The following IGF2BP2 variants were observed in gnomAD, a reference collection of about 807,000 sequenced individuals.
The protein encoded by IGF2BP2 is insulin like growth factor 2 mRNA binding protein 2.
In IGF2BP2, 17 loss-of-function variants were observed where a neutral mutation model predicts 75.8. The ratio of observed to expected loss-of-function variants is 0.22; its 90% CI spans 0.15 to 0.34. IGF2BP2 has a LOEUF of 0.34. IGF2BP2 is among the 10% of genes least tolerant of loss of function. The pLI is 1.00. For missense variants in IGF2BP2, 516 were observed against 772.4 expected (o/e 0.67, Z 3.93); for synonymous variants, 288 against 295.6 (o/e 0.97, Z 0.26).
At chr3:185,688,383 C>T (rs1010446969) in intron 6 of IGF2BP2, among the ~76,000 whole-genome samples, 8 of 152,302 alleles carry the variant, frequency 5.3e-5, no homozygotes, top group Middle Eastern at 3.4e-3. Context: ...CACTCTGTTG[C>T]CCAGGCTGGA....
At chr3:185,797,509 G>A (rs1737584964) in intron 2 of IGF2BP2, among the ~76,000 whole-genome samples, 1 of 152,222 alleles carries the variant, frequency 6.6e-6, no homozygotes, top group Admixed American at 6.5e-5. Flanking sequence ...TCAGTTAAGA[G>A]CAGAGTTTGC....
At chr3:185,821,229 GC>G in intron 2 of IGF2BP2, 1 of 966,732 alleles carries the variant, frequency 1.0e-6, no homozygotes, top group Non-Finnish European at 1.4e-6. Context: ...CTCTAGAGCA[GC>G]AGCTTATGCA....
intron 2 of IGF2BP2, among the ~76,000 whole-genome samples, chr3:185,814,710 T>C (rs2150032064): frequency 6.6e-6 from 1 of 152,326 alleles, no homozygotes; most frequent in South Asian, 2.1e-4. Context: ...AAACCTCTTA[T>C]ATATCTCATT....
chr3:185,756,347 C>T (rs996725646), intron 2 of IGF2BP2, among the ~76,000 whole-genome samples: 5 of 152,166 alleles, frequency 3.3e-5, no homozygotes, highest in Admixed American at 1.3e-4. Flanking sequence ...CCAATTAAAC[C>T]TCATTTCCTT....
Position 185,672,570 on chromosome 3 carries a change from G to T in IGF2BP2, c.1171C>A (p.Pro391Thr), listed in dbSNP as rs748920710. The T allele has an allele frequency of 6.2e-7, 1 of 1,612,540 alleles. No homozygotes were observed. ...LSPPAGPRGA[P>T]PAAPYHPFTT... ...AAGGGGTGGTAGGGGGCAGCGGGGG[G>T]AGCTCCGCGGGGCCCTGCTGGTGGA... Residue 391 changes from proline to threonine, a missense_variant, in exon 10 of 16, where the codon CCC (proline) becomes ACC (threonine). By Grantham distance (38) the Pro-to-Thr change is conservative (BLOSUM62 -1). Coordinates refer to ENST00000382199, the MANE Select transcript of IGF2BP2 (RefSeq NM_006548.6).
chr3:185,788,710 CTTTTTTTTTTTT>C (rs1158869748), intron 2 of IGF2BP2, among the ~76,000 whole-genome samples: 2 of 100,222 alleles, frequency 2.0e-5, no homozygotes, highest in Non-Finnish European at 1.9e-5. Flanking sequence ...TGACAAACGA[CTTTTTTTTTTTT>C]TTTTTTTTTT....
At chr3:185,756,590 A>G (rs572057917) in intron 2 of IGF2BP2, among the ~76,000 whole-genome samples, 3 of 152,226 alleles carry the variant, frequency 2.0e-5, no homozygotes, top group South Asian at 4.1e-4. Context: ...ACACCTAAAC[A>G]TATCTATAAG....
chr3:185,821,637 ATT>A (rs58917979), intron 2 of IGF2BP2, among the ~76,000 whole-genome samples: 1 of 149,198 alleles, frequency 6.7e-6, no homozygotes, highest in Non-Finnish European at 1.5e-5. Context: ...AATTCTAGTA[ATT>A]TTTTTTTTTA....
intron 10 of IGF2BP2, among the ~76,000 whole-genome samples, chr3:185,671,080 G>C (rs1222379809): frequency 6.6e-6 from 1 of 152,160 alleles, no homozygotes; most frequent in Non-Finnish European, 1.5e-5. Flanking sequence ...AAAATACAGA[G>C]ATGTGAAACT....
At chr3:185,659,413 G>A (rs567534842) in intron 10 of IGF2BP2, among the ~76,000 whole-genome samples, 4 of 152,140 alleles carry the variant, frequency 2.6e-5, no homozygotes, top group Non-Finnish European at 4.4e-5. Context: ...TCACTCTTTC[G>A]CCCAGGCTGG....
chr3:185,737,430 C>G (rs1296266541), intron 2 of IGF2BP2, among the ~76,000 whole-genome samples: 1 of 152,134 alleles, frequency 6.6e-6, no homozygotes, highest in African/African-American at 2.4e-5. Context: ...CCTCAGTTTT[C>G]CCTTTTATAA....
chr3:185,792,800 A>T (rs1736834184), intron 2 of IGF2BP2, among the ~76,000 whole-genome samples: 1 of 151,946 alleles, frequency 6.6e-6, no homozygotes, highest in Non-Finnish European at 1.5e-5. Context: ...TGCAATCAAA[A>T]TAAGAATATT....
intron 10 of IGF2BP2, among the ~76,000 whole-genome samples, chr3:185,665,126 CT>C (rs1464401089): frequency 2.1e-5 from 3 of 144,456 alleles, no homozygotes; most frequent in Admixed American, 7.0e-5. Flanking sequence ...GATCACACCA[CT>C]GCACTCCAGC....
intron 2 of IGF2BP2, among the ~76,000 whole-genome samples, chr3:185,782,512 C>T (rs2149807692): frequency 6.6e-6 from 1 of 152,236 alleles, no homozygotes; most frequent in Middle Eastern, 3.4e-3. Flanking sequence ...GTTCAAGAAA[C>T]TCACATTCGT....
At chr3:185,689,825 G>A (rs569363519) in intron 5 of IGF2BP2, among the ~76,000 whole-genome samples, 198 bp from the exon 6 acceptor site, 6 of 151,682 alleles carry the variant, frequency 4.0e-5, no homozygotes, top group African/African-American at 7.3e-5. Context: ...AAAATTAGCC[G>A]GGCGTAGTGG....
chr3:185,657,035 T>C (rs1026307440), intron 12 of IGF2BP2, among the ~76,000 whole-genome samples: 6 of 152,126 alleles, frequency 3.9e-5, no homozygotes, highest in Non-Finnish European at 4.4e-5. Context: ...AGGACAACAA[T>C]GATAAAACAA....
At chr3:185,820,497 G>A (rs1414646226) in intron 2 of IGF2BP2, among the ~76,000 whole-genome samples, 1 of 151,908 alleles carries the variant, frequency 6.6e-6, no homozygotes, top group Non-Finnish European at 1.5e-5. Flanking sequence ...CTTTATGTGC[G>A]GTTGACATTA....
chr3:185,796,295 G>A (rs1460200390), intron 2 of IGF2BP2, among the ~76,000 whole-genome samples: 1 of 152,078 alleles, frequency 6.6e-6, no homozygotes, highest in Non-Finnish European at 1.5e-5. Flanking sequence ...GGGCATGGTG[G>A]CTCACGCCTG....
At chr3:185,704,147 T>C (rs1489140009) in intron 2 of IGF2BP2, among the ~76,000 whole-genome samples, 1 of 152,150 alleles carries the variant, frequency 6.6e-6, no homozygotes, top group Non-Finnish European at 1.5e-5. Context: ...CTCCATCAGA[T>C]GATAAAAGGG....
Sources: gnomAD v4.1 joint callset for allele counts (sites outside exome capture counted in the v4.1 genomes callset) on GRCh38, gnomAD v4.1.1 for gene constraint, MANE v1.5 for transcripts, NCBI Gene and HGNC (gene_info 2026-07-23, HGNC 2026-07-21) for gene names.